The following UQCC6 variants were observed in gnomAD, a reference collection of about 807,000 sequenced individuals.
UQCC6 encodes ubiquinol-cytochrome c reductase complex assembly factor 6, also known as protein BRAWNIN.
At chr12:103,962,731 T>C in the UQCC6 span, among the ~76,000 whole-genome samples, 2 of 152,262 alleles carry the variant, frequency 1.3e-5, no homozygotes, top group Non-Finnish European at 2.9e-5. Context: ...GGTATAAATA[T>C]GACTGCAGAA....
At chr12:103,955,821 T>C in the UQCC6 span, 1 of 455,922 alleles carries the variant, frequency 2.2e-6, no homozygotes, top group Non-Finnish European at 4.4e-6. Context: ...TACTTTCTCA[T>C]CTCCACCTCC....
the UQCC6 span, chr12:103,953,349 C>T: frequency 5.7e-6 from 4 of 701,408 alleles, no homozygotes; most frequent in East Asian, 2.7e-5. Flanking sequence ...TAGCTTTCAA[C>T]CTGAACTACA....
chr12:103,956,284 G>T, the UQCC6 span: 1 of 202,416 alleles, frequency 4.9e-6, no homozygotes, highest in Non-Finnish European at 1.0e-5. Flanking sequence ...TCGAAATGGG[G>T]ACAGGTTTGA....
the UQCC6 span, among the ~76,000 whole-genome samples, chr12:103,959,801 CTTTTTTTTT>C: frequency 9.7e-6 from 1 of 103,566 alleles, no homozygotes; most frequent in Non-Finnish European, 2.0e-5. Flanking sequence ...TTTATTTTTA[CTTTTTTTTT>C]TTTTTTTTTT....
At chr12:103,964,898 TTC>T in the UQCC6 span, among the ~76,000 whole-genome samples, 1 of 152,218 alleles carries the variant, frequency 6.6e-6, no homozygotes, top group Admixed American at 6.5e-5. Context: ...ACAAAAATCT[TTC>T]TGTATTTACT....
chr12:103,953,356 TACAACAG>T, the UQCC6 span: 1 of 701,644 alleles, frequency 1.4e-6, no homozygotes, highest in Non-Finnish European at 2.6e-6. Context: ...CAACCTGAAC[TACAACAG>T]AGTCATCTCC....
At chr12:103,954,787 A>C in the UQCC6 span, 1 of 570,130 alleles carries the variant, frequency 1.8e-6, no homozygotes, top group South Asian at 2.3e-5. Context: ...GGGGATTTTC[A>C]CTTTTTACTC....
At chr12:103,957,904 T>A in the UQCC6 span, among the ~76,000 whole-genome samples, 5 of 144,466 alleles carry the variant, frequency 3.5e-5, no homozygotes, top group African/African-American at 1.0e-4. Context: ...TATATATATA[T>A]AATATATATT....
chr12:103,955,089 C>T, the UQCC6 span: 133,004 of 596,490 alleles, frequency 0.22, 15,489 homozygotes, highest in Admixed American at 0.33. Context: ...CAGAGGCGGG[C>T]GGATCACTTG....
chr12:103,956,949 C>A, the UQCC6 span: 1,544 of 553,656 alleles, frequency 2.8e-3, 9 homozygotes, highest in Non-Finnish European at 3.1e-3. Flanking sequence ...GCCCTCCAGG[C>A]CGAGGCCCAG....
chr12:103,955,779 A>AT, the UQCC6 span: 1 of 456,054 alleles, frequency 2.2e-6, no homozygotes, highest in South Asian at 1.5e-5. Context: ...CACCTATAGC[A>AT]TAACAGCACA....
At chr12:103,964,248 G>A in the UQCC6 span, among the ~76,000 whole-genome samples, 1 of 137,446 alleles carries the variant, frequency 7.3e-6, no homozygotes, top group Admixed American at 8.2e-5. Context: ...TGCCTCCCTG[G>A]TTCAAGCGAT....
At chr12:103,951,412 C>A in the UQCC6 span, 1 of 558,682 alleles carries the variant, frequency 1.8e-6, no homozygotes. Context: ...CCACTGAGCA[C>A]CTCCTCTTGC....
chr12:103,953,415 T>G, the UQCC6 span: 1,729 of 702,318 alleles, frequency 2.5e-3, 17 homozygotes, highest in African/African-American at 0.026. Flanking sequence ...TAAAAGCACC[T>G]GTAGCAGTTC....
At chr12:103,965,246 T>C in the UQCC6 span, among the ~76,000 whole-genome samples, 1 of 152,198 alleles carries the variant, frequency 6.6e-6, no homozygotes, top group East Asian at 1.9e-4. Flanking sequence ...GTCTGTAAGA[T>C]TACGAACCAC....
At chr12:103,964,640 G>T in the UQCC6 span, among the ~76,000 whole-genome samples, 1 of 152,192 alleles carries the variant, frequency 6.6e-6, no homozygotes, top group Non-Finnish European at 1.5e-5. Context: ...GCAGTCTTTG[G>T]TTAATGTGTC....
chr12:103,965,700 C>T, the UQCC6 span: 2 of 322,154 alleles, frequency 6.2e-6, no homozygotes, highest in Non-Finnish European at 1.1e-5. Context: ...TCCTAGTCCC[C>T]GTCTTCTGGT....
the UQCC6 span, chr12:103,956,674 C>T: frequency 6.4e-7 from 1 of 1,551,780 alleles, no homozygotes; most frequent in Non-Finnish European, 8.7e-7. Context: ...TGCCCCTGCG[C>T]ACATGGCCAG....
At chr12:103,963,656 A>G in the UQCC6 span, among the ~76,000 whole-genome samples, 2 of 152,216 alleles carry the variant, frequency 1.3e-5, no homozygotes, top group Non-Finnish European at 2.9e-5. Flanking sequence ...TTTTTATGAT[A>G]GAAATCTTGC....
Sources: allele counts gnomAD v4.1 joint callset (sites outside exome capture counted in the v4.1 genomes callset), GRCh38; gene constraint gnomAD v4.1.1; transcripts MANE v1.5; gene names NCBI Gene and HGNC (gene_info 2026-07-23, HGNC 2026-07-21).